The following PRKCZ variants were observed in gnomAD, a reference collection of about 807,000 sequenced individuals.
The protein encoded by PRKCZ is protein kinase C zeta.
PRKCZ carries 33 observed loss-of-function variants against 79.5 expected under a neutral mutation model. The observed-to-expected ratio is 0.41, with a 90% confidence interval of 0.31 to 0.55. The LOEUF (loss-of-function observed/expected upper bound fraction) is 0.55. Among genes scored for constraint, PRKCZ ranks in the 20% least tolerant of loss-of-function variants. The probability of loss-of-function intolerance (pLI) is 0.19; values close to 1 mark genes in which losing one functional copy is unlikely to be tolerated. For missense variants in PRKCZ, 578 were observed against 813.5 expected (o/e 0.71, Z 3.52); for synonymous variants, 342 against 320.9 (o/e 1.07, Z -0.70).
chr1:2,176,439 T>C (rs1363116031), intron 16 of PRKCZ, among the ~76,000 whole-genome samples: 1 of 152,172 alleles, frequency 6.6e-6, no homozygotes, highest in Non-Finnish European at 1.5e-5. Context: ...CCACCTAGGA[T>C]GTTTCCAGCA....
chr1:2,050,194 G>T (rs1659508539), upstream of PRKCZ: 1 of 151,558 alleles, frequency 6.6e-6, no homozygotes, highest in African/African-American at 2.4e-5. Context: ...CGCCGCGCGC[G>T]GTCCCATTGG....
intron 4 of PRKCZ, among the ~76,000 whole-genome samples, chr1:2,099,886 C>T (rs1296305926): frequency 6.6e-6 from 1 of 152,172 alleles, no homozygotes; most frequent in African/African-American, 2.4e-5. Context: ...TTTTTTAAAT[C>T]GGTGAAAGTG....
chr1:2,163,699 G>A (rs1682764833), intron 10 of PRKCZ, among the ~76,000 whole-genome samples: 2 of 151,224 alleles, frequency 1.3e-5, no homozygotes, highest in African/African-American at 2.4e-5. Context: ...GACCATCCTC[G>A]CTAACACAGT....
intron 4 of PRKCZ, among the ~76,000 whole-genome samples, chr1:2,132,601 C>T (rs950870259): frequency 3.3e-5 from 5 of 152,226 alleles, no homozygotes; most frequent in Admixed American, 3.3e-4. Context: ...TTGTGTCTCT[C>T]TCGGGCGAGA....
intron 3 of PRKCZ, among the ~76,000 whole-genome samples, chr1:2,057,563 A>T (rs150690648): frequency 9.5e-4 from 144 of 152,272 alleles, no homozygotes; most frequent in African/African-American, 3.3e-3. Flanking sequence ...TATATCAATG[A>T]GGCTCTAAAT....
intron 4 of PRKCZ, among the ~76,000 whole-genome samples, chr1:2,061,969 G>A (rs567870368): frequency 6.6e-6 from 1 of 152,254 alleles, no homozygotes; most frequent in Non-Finnish European, 1.5e-5. Context: ...CCCAGGCTGA[G>A]GGTCAGTGAG....
At chr1:2,088,708 C>T (rs1048997235) in intron 4 of PRKCZ, among the ~76,000 whole-genome samples, 5 of 152,166 alleles carry the variant, frequency 3.3e-5, no homozygotes, top group South Asian at 2.1e-4. Flanking sequence ...CATGTGTGCA[C>T]AGCTCAGCTG....
At position 2,168,583 on chromosome 1, in the gene PRKCZ, C is replaced by T. The variant is rs1409932591; in HGVS notation, c.975-935C>T. Among the ~76,000 whole-genome samples, 2 of 152,190 alleles carry T rather than the reference C, an allele frequency of 1.3e-5. No homozygotes were observed. The highest frequency in any genetic ancestry group is 2.9e-5 in the Non-Finnish European group (2 of 68,048). ...CCCTGTGTAAACTGGCCTCTGTCCT[C>T]TCTGGCTTAATTCTGGGAGCTTGTG... On this transcript the variant is annotated intron_variant, in intron 10 of 17. Coordinates refer to ENST00000378567, the MANE Select transcript of PRKCZ (RefSeq NM_002744.6). This position sits in a 1 kb window ranked among gnomAD's most constrained non-coding sequence, Gnocchi z 4.7.
intron 10 of PRKCZ, among the ~76,000 whole-genome samples, chr1:2,163,589 C>T (rs1416806620): frequency 6.6e-6 from 1 of 152,090 alleles, no homozygotes; most frequent in African/African-American, 2.4e-5. Context: ...TTCTGTTTTG[C>T]TATCAAGAAA....
At chr1:2,091,717 G>A (rs918170245) in intron 4 of PRKCZ, among the ~76,000 whole-genome samples, 6 of 152,118 alleles carry the variant, frequency 3.9e-5, no homozygotes, top group African/African-American at 1.4e-4. Context: ...TTCTGTGGTT[G>A]CGTTGTCCTG....
intron 4 of PRKCZ, among the ~76,000 whole-genome samples, chr1:2,103,197 G>C (rs1387990980): frequency 6.6e-6 from 1 of 152,110 alleles, no homozygotes; most frequent in Non-Finnish European, 1.5e-5. Flanking sequence ...TCATATCTCT[G>C]TTTCCACAGT....
Position 2,066,605 on chromosome 1 carries a change from G to A in PRKCZ, c.334+7014G>A, listed in dbSNP as rs145392050. Among the ~76,000 whole-genome samples, 646 of 152,352 alleles carry A rather than the reference G, an allele frequency of 4.2e-3. 2 individuals are homozygous for A. Among genetic ancestry groups the A allele is most frequent in the Admixed American group, 6.7e-3 (103 of 15,308 alleles). ...GATCCACCCACCTTGGCTTCCCAACGTGTAGGGATTTCGGGCATGAGCTGC... is the reference window on the plus strand; with the variant it reads ...GATCCACCCACCTTGGCTTCCCAACATGTAGGGATTTCGGGCATGAGCTGC... On this transcript the variant is annotated intron_variant, in intron 4 of 17. Transcript: ENST00000378567.
In PRKCZ at chr1:2,177,862, C is replaced by T. The variant is rs934785695; in HGVS notation, c.1575+2549C>T. Among the ~76,000 whole-genome samples the T allele has an allele frequency of 4.6e-5, 7 of 152,220 alleles. No individual in the cohort carries two copies. The highest frequency in any genetic ancestry group is 4.2e-4 in the South Asian group (2 of 4,810). ...CTTCCATCCCAGCCTGAGAGGCCTG[C>T]GAAGGGCTTGCCACCGACTGCCAGC... On this transcript the variant is annotated intron_variant, in intron 16 of 17. Transcript: ENST00000378567. The surrounding 1 kb of genome is among the most constrained non-coding windows in gnomAD (Gnocchi z 6.4).
At chr1:2,055,056 C>G (rs1660033206) in intron 1 of PRKCZ, among the ~76,000 whole-genome samples, 1 of 151,998 alleles carries the variant, frequency 6.6e-6, no homozygotes, top group Non-Finnish European at 1.5e-5. Flanking sequence ...CATTCTCTTG[C>G]CTCAGCCTCC....
Position 2,172,775 on chromosome 1 carries a change from C to G in PRKCZ, c.1285+387C>G, listed in dbSNP as rs997936342. Among the ~76,000 whole-genome samples, 1 of 152,244 alleles carries G rather than the reference C, an allele frequency of 6.6e-6. No homozygotes were observed. Among genetic ancestry groups the G allele is most frequent in the South Asian group, 2.1e-4 (1 of 4,834 alleles). ...GCAGGAGCGTGTGGACAGGACCCCA[C>G]AGGCCCTGCGGCTGAGGACGCCGTG... On this transcript the variant is annotated intron_variant, in intron 13 of 17. Transcript: ENST00000378567. This position sits in a 1 kb window ranked among gnomAD's most constrained non-coding sequence, Gnocchi z 7.8.
In PRKCZ at chr1:2,063,344, G is replaced by T. The variant is rs529172385; in HGVS notation, c.334+3753G>T. On this transcript the variant is annotated intron_variant, in intron 4 of 17. Transcript: ENST00000378567. ...TCATTTATTTTTGAGATAGCGTCTC[G>T]CTCTGTCGCTTAGGCTGGAGTTCAG... 2.6e-5 allele frequency among the ~76,000 whole-genome samples: 4 copies of T among 152,274 alleles called. No individual in the cohort carries two copies. The East Asian group carries it at 7.7e-4, about 29-fold the overall frequency.
Position 2,160,383 on chromosome 1 carries a change from G to A in PRKCZ, c.974+4291G>A, listed in dbSNP as rs12134873. ...CCAGCGTCAGGAGGCGTGGCACCCG[G>A]GGAGGGTCCGCAGGGAGCAGAGTGG... On this transcript the variant is annotated intron_variant, in intron 10 of 17. Coordinates refer to ENST00000378567, the MANE Select transcript of PRKCZ (RefSeq NM_002744.6). 2.5e-3 allele frequency among the ~76,000 whole-genome samples: 376 copies of A among 152,282 alleles called. 1 individual carries two copies. The highest frequency in any genetic ancestry group is 4.0e-3 in the Admixed American group (61 of 15,298).
At chr1:2,157,136 T>C (rs1557700340) in intron 10 of PRKCZ, among the ~76,000 whole-genome samples, 1 of 152,092 alleles carries the variant, frequency 6.6e-6, no homozygotes, top group Non-Finnish European at 1.5e-5. Flanking sequence ...GGTGGATAGC[T>C]CGGTAGTCAG....
chr1:2,139,155 G>T (rs1676815083), intron 5 of PRKCZ, among the ~76,000 whole-genome samples: 1 of 152,242 alleles, frequency 6.6e-6, no homozygotes, highest in Non-Finnish European at 1.5e-5. Context: ...TTTGGTAAAT[G>T]CTGGGACCGA....
Sources: gnomAD v4.1 joint callset for allele counts (sites outside exome capture counted in the v4.1 genomes callset) on GRCh38, gnomAD v4.1.1 for gene constraint, Gnocchi (gnomAD v3.1) non-coding constraint, MANE v1.5 for transcripts, NCBI Gene and HGNC (gene_info 2026-07-23, HGNC 2026-07-21) for gene names.